The following TLE1 variants were observed in gnomAD, a reference collection of about 807,000 sequenced individuals.
TLE1 encodes transducin-like enhancer protein 1.
A neutral mutation model predicts 89.8 loss-of-function variants in TLE1; 21 were observed. The observed-to-expected ratio is 0.23, with a 90% CI of 0.17 to 0.34. TLE1 has a LOEUF of 0.34. TLE1 is among the 10% of genes least tolerant of loss of function. The pLI, the probability that TLE1 is intolerant of heterozygous loss-of-function variation, is 1.00. For synonymous variants in TLE1, 447 were observed against 407.6 expected (o/e 1.10, Z -1.16); for missense variants, 795 against 1,031.2 (o/e 0.77, Z 3.14).
intron 4 of TLE1, among the ~76,000 whole-genome samples, chr9:81,679,586 GAAC>G (rs1451341483): frequency 6.6e-6 from 1 of 152,056 alleles, no homozygotes; most frequent in Non-Finnish European, 1.5e-5. Flanking sequence ...CGTATTCACA[GAAC>G]AATCCTCTGG....
chr9:81,597,528 T>C (rs935689156), intron 14 of TLE1, among the ~76,000 whole-genome samples: 10 of 152,164 alleles, frequency 6.6e-5, no homozygotes, highest in Admixed American at 1.3e-4. Context: ...GATAGAATCG[T>C]GGCAAACTGC....
chr9:81,587,910 G>GTGTGTGTGTGTGTGTGTCATCCCGCC (rs764480923), intron 16 of TLE1, 82 bp from the exon 17 acceptor site: 20,133 of 785,706 alleles, frequency 0.026, 2,067 homozygotes, highest in African/African-American at 0.1. Flanking sequence ...TTTGGACCGT[G>GTGTGTGTGTGTGTGTGTCATCCCGCC]TGTGTGTGTG....
At chr9:81,613,032 TG>T (rs960889881) in intron 12 of TLE1, among the ~76,000 whole-genome samples, 1 of 151,742 alleles carries the variant, frequency 6.6e-6, no homozygotes, top group Non-Finnish European at 1.5e-5. Context: ...CATTCCAGCC[TG>T]GGGGGGACAA....
chr9:81,669,618 C>T (rs963466032), intron 4 of TLE1, among the ~76,000 whole-genome samples: 1 of 152,130 alleles, frequency 6.6e-6, no homozygotes, highest in African/African-American at 2.4e-5. Flanking sequence ...ACCCTCCCCC[C>T]CCACACCAAA....
At chr9:81,620,647 G>A (rs927673352) in intron 8 of TLE1, 90 bp from the exon 9 acceptor site, 28 of 1,540,040 alleles carry the variant, frequency 1.8e-5, no homozygotes, top group Non-Finnish European at 2.3e-5. Context: ...ATTTTTGAAA[G>A]GTGATACCTA....
intron 6 of TLE1, among the ~76,000 whole-genome samples, chr9:81,647,243 CCCA>C (rs1828970123): frequency 7.9e-5 from 12 of 152,190 alleles, no homozygotes; most frequent in Admixed American, 5.2e-4. Flanking sequence ...TCTCTTCCCT[CCCA>C]ATTTTAACAG....
At chr9:81,653,898 A>G in intron 5 of TLE1, 76 bp downstream of exon 5, 2 of 1,353,606 alleles carry the variant, frequency 1.5e-6, no homozygotes, top group African/African-American at 1.4e-5. Flanking sequence ...TGATAAAATT[A>G]ACATCTTAAA....
chr9:81,604,529 G>C (rs1337312238), intron 14 of TLE1, among the ~76,000 whole-genome samples: 1 of 152,200 alleles, frequency 6.6e-6, no homozygotes, highest in African/African-American at 2.4e-5. Context: ...CAAAGTTCCA[G>C]GGAGACAGAT....
chr9:81,687,563 A>T (rs1054259165), intron 1 of TLE1, 129 bp from the exon 2 acceptor site: 1 of 677,188 alleles, frequency 1.5e-6, no homozygotes, highest in East Asian at 2.8e-5. Flanking sequence ...CGAGGCCCCA[A>T]ACTCGAGTTT....
At position 81,593,347 on chromosome 9, in the gene TLE1, G is replaced by T; in HGVS notation, c.1332-73C>A. The T allele has an allele frequency of 2.7e-6, 4 of 1,468,610 alleles. No individual in the cohort carries two copies. The South Asian group carries it at 5.5e-5, about 20-fold the overall frequency. The allele number at this position is 1,468,610 out of a possible 1,614,324, so 91.0% of individuals were successfully genotyped here. ...GAAGCAATCCCTATCTCGGCAATGT[G>T]CTACGACTATGAAAAAGATGAAAAA... On this transcript the variant is annotated intron_variant, in intron 14 of 19. Transcript: ENST00000376499.
chr9:81,683,243 AC>A (rs1394869528), intron 4 of TLE1, among the ~76,000 whole-genome samples: 1 of 150,238 alleles, frequency 6.7e-6, no homozygotes, highest in African/African-American at 2.4e-5. Context: ...TTTTTTAGTA[AC>A]AAAGATGTTG....
intron 4 of TLE1, among the ~76,000 whole-genome samples, chr9:81,670,202 T>C (rs1832036971): frequency 6.6e-6 from 1 of 152,162 alleles, no homozygotes; most frequent in African/African-American, 2.4e-5. Flanking sequence ...GCCACATTCA[T>C]CTCCTCTTTA....
chr9:81,590,164 G>T (rs546354371), intron 16 of TLE1, among the ~76,000 whole-genome samples: 1 of 145,748 alleles, frequency 6.9e-6, no homozygotes, highest in Non-Finnish European at 1.6e-5. Flanking sequence ...GAACAGCTCT[G>T]GTGTGAGCAC....
intron 4 of TLE1, among the ~76,000 whole-genome samples, chr9:81,674,168 C>A (rs1832599545): frequency 6.6e-6 from 1 of 152,334 alleles, no homozygotes; most frequent in South Asian, 2.1e-4. Flanking sequence ...ATCCATACTG[C>A]CATTGCCCTT....
intron 17 of TLE1, among the ~76,000 whole-genome samples, chr9:81,586,715 A>G (rs1321426546): frequency 6.6e-6 from 1 of 152,164 alleles, no homozygotes; most frequent in Non-Finnish European, 1.5e-5. Context: ...TTATTGTACA[A>G]TTCTCTGTGC....
intron 4 of TLE1, among the ~76,000 whole-genome samples, chr9:81,663,632 T>C: frequency 6.6e-6 from 1 of 150,962 alleles, no homozygotes. Flanking sequence ...CTTTTTTTTT[T>C]TTTTTTTTGA....
chr9:81,642,168 G>A (rs751316288), intron 6 of TLE1, among the ~76,000 whole-genome samples: 1 of 152,180 alleles, frequency 6.6e-6, no homozygotes, highest in Non-Finnish European at 1.5e-5. Flanking sequence ...GTACAGCCCT[G>A]ATGCAAAACA....
intron 14 of TLE1, among the ~76,000 whole-genome samples, chr9:81,604,056 G>A (rs1329055614): frequency 6.6e-6 from 1 of 152,138 alleles, no homozygotes. Flanking sequence ...TGCTCTGGTC[G>A]CTTCTTTGGG....
chr9:81,673,621 C>A (rs1157724874), intron 4 of TLE1, among the ~76,000 whole-genome samples: 3 of 152,118 alleles, frequency 2.0e-5, no homozygotes, highest in African/African-American at 7.2e-5. Context: ...CTACTGTCAT[C>A]CCCTAATCCC....
Sources: gnomAD v4.1 joint callset for allele counts (sites outside exome capture counted in the v4.1 genomes callset) on GRCh38, gnomAD v4.1.1 for gene constraint, MANE v1.5 for transcripts, NCBI Gene and HGNC (gene_info 2026-07-23, HGNC 2026-07-21) for gene names.